Variants in GPR39 observed in about 807,000 individuals in gnomAD.
GPR39 encodes zinc sensing receptor.
GPR39 carries 23 observed loss-of-function variants against 18.4 expected under a neutral mutation model. The observed-to-expected ratio is 1.25, with a 90% CI of 0.90 to 1.77. GPR39 has a LOEUF of 1.77. GPR39 is among the 40% of genes most tolerant of loss of function. The pLI, the probability that GPR39 is intolerant of heterozygous loss-of-function variation, is 0.00. For missense variants in GPR39, 647 were observed against 602.4 expected (o/e 1.07, Z -0.78); for synonymous variants, 280 against 257.9 (o/e 1.09, Z -0.82).
intron 1 of GPR39, among the ~76,000 whole-genome samples, chr2:132,483,561 G>A (rs1269969172): frequency 6.6e-6 from 1 of 152,216 alleles, no homozygotes; most frequent in Non-Finnish European, 1.5e-5. Context: ...TATGGCTAAT[G>A]TCAGTCTTTT....
chr2:132,571,339 TATC>T (rs754958247), intron 1 of GPR39, among the ~76,000 whole-genome samples: 2 of 152,320 alleles, frequency 1.3e-5, no homozygotes, highest in South Asian at 2.1e-4. Context: ...GTTAGATTAA[TATC>T]ATTCTGCAGC....
intron 1 of GPR39, among the ~76,000 whole-genome samples, chr2:132,444,568 G>A (rs72999265): frequency 1.5e-3 from 228 of 152,256 alleles, no homozygotes; most frequent in African/African-American, 4.7e-3. Context: ...GATTACAGGC[G>A]TGAGCTACCA....
intron 1 of GPR39, among the ~76,000 whole-genome samples, chr2:132,539,822 A>G (rs1032470073): frequency 1.3e-5 from 2 of 152,124 alleles, no homozygotes; most frequent in African/African-American, 4.8e-5. Flanking sequence ...ATGCAGCAAG[A>G]TCTCACCACA....
In GPR39 at chr2:132,488,440, C is replaced by A. The variant is rs145913114; in HGVS notation, c.856+70542C>A. 11 of 153,222 alleles carry A rather than the reference C, an allele frequency of 7.2e-5. No homozygotes were observed. The East Asian group carries it at 2.1e-3, about 30-fold the overall frequency. The allele number at this position is 153,222 out of a possible 1,614,324, so 9.5% of individuals were successfully genotyped here. A position where few individuals can be genotyped will look rare whatever the true frequency, so the allele number is the denominator to read the frequency against. On this transcript the variant is annotated intron_variant, in intron 1 of 1. Transcript: ENST00000329321. ...CTGGTCAGTGGGTAAAAAGCAAGGA[C>A]TTAAGGTCTTCAGCTCCAATATCTT...
At chr2:132,600,225 A>G (rs1299502876) in intron 1 of GPR39, among the ~76,000 whole-genome samples, 3 of 152,246 alleles carry the variant, frequency 2.0e-5, no homozygotes, top group Admixed American at 2.0e-4. Flanking sequence ...CACAATATAC[A>G]AAACCTATGG....
At chr2:132,506,801 T>C (rs1404139496) in intron 1 of GPR39, among the ~76,000 whole-genome samples, 1 of 152,020 alleles carries the variant, frequency 6.6e-6, no homozygotes, top group African/African-American at 2.4e-5. Flanking sequence ...GAGACTTGGG[T>C]AGGGACACAG....
intron 1 of GPR39, among the ~76,000 whole-genome samples, chr2:132,526,422 A>T (rs1036169072): frequency 1.4e-4 from 22 of 152,136 alleles, no homozygotes; most frequent in Non-Finnish European, 7.4e-5. Context: ...CTACCTGGGG[A>T]AGGCCAGTCC....
intron 1 of GPR39, among the ~76,000 whole-genome samples, chr2:132,428,531 C>G (rs1018706335): frequency 6.6e-6 from 1 of 152,174 alleles, no homozygotes; most frequent in Non-Finnish European, 1.5e-5. Context: ...TGTTGTTAGT[C>G]TCGATATTCA....
chr2:132,442,146 C>T (rs899186699), intron 1 of GPR39, among the ~76,000 whole-genome samples: 4 of 152,122 alleles, frequency 2.6e-5, no homozygotes, highest in Non-Finnish European at 2.9e-5. Flanking sequence ...CCACTTTTTC[C>T]TTCCCTCTTA....
chr2:132,518,646 C>T (rs1452732518), intron 1 of GPR39, among the ~76,000 whole-genome samples: 1 of 152,076 alleles, frequency 6.6e-6, no homozygotes, highest in East Asian at 1.9e-4. Context: ...GTCTAAACTG[C>T]TGATATAAAT....
chr2:132,467,258 A>G (rs1307411821), intron 1 of GPR39, among the ~76,000 whole-genome samples: 3 of 152,198 alleles, frequency 2.0e-5, no homozygotes, highest in African/African-American at 7.2e-5. Context: ...GCTGCAGACA[A>G]GCACTGTGGT....
intron 1 of GPR39, among the ~76,000 whole-genome samples, chr2:132,492,592 A>G (rs1375895059): frequency 7.2e-6 from 1 of 138,442 alleles, no homozygotes. Context: ...CACACCATAT[A>G]TATACCATAT....
intron 1 of GPR39, among the ~76,000 whole-genome samples, chr2:132,450,806 A>G (rs375186366): frequency 2.0e-5 from 3 of 152,236 alleles, no homozygotes; most frequent in South Asian, 4.1e-4. Flanking sequence ...GGTGTCTCCA[A>G]TTCTCAGTCT....
chr2:132,491,445 G>T (rs1681458949), intron 1 of GPR39, among the ~76,000 whole-genome samples: 1 of 152,020 alleles, frequency 6.6e-6, no homozygotes. Context: ...TGTTCTTGAT[G>T]ATAGGAACCA....
chr2:132,476,465 G>GTC lies in GPR39; in HGVS notation c.856+58570_856+58571dup, dbSNP rs529015495. On this transcript the variant is annotated intron_variant, in intron 1 of 1. Transcript: ENST00000329321. The stretch of plus-strand genomic sequence containing the variant: ...AGCCTGGGCAACATGGTGAAACCCT[G>GTC]TCTCCACTAAAAATACAAAAATTAG... 3.6e-4 allele frequency among the ~76,000 whole-genome samples: 55 copies of GTC among 151,884 alleles called. 1 individual carries two copies. Among genetic ancestry groups the GTC allele is most frequent in the African/African-American group, 1.1e-3 (45 of 41,432 alleles).
At chr2:132,585,188 C>T (rs1680703676) in intron 1 of GPR39, among the ~76,000 whole-genome samples, 1 of 152,150 alleles carries the variant, frequency 6.6e-6, no homozygotes. Flanking sequence ...ACTGCACCCG[C>T]CCCTTTACCG....
At chr2:132,433,174 CTT>C (rs1367506125) in intron 1 of GPR39, among the ~76,000 whole-genome samples, 3 of 152,122 alleles carry the variant, frequency 2.0e-5, no homozygotes, top group African/African-American at 7.2e-5. Context: ...ATACACAAAT[CTT>C]TTATAAAACC....
chr2:132,553,396 A>G (rs985104950), intron 1 of GPR39, among the ~76,000 whole-genome samples: 9 of 149,766 alleles, frequency 6.0e-5, no homozygotes, highest in African/African-American at 2.2e-4. Flanking sequence ...TATAGTGTAT[A>G]TATACGTATA....
In GPR39 at chr2:132,461,664, G is replaced by A. The variant is rs186685981; in HGVS notation, c.856+43766G>A. On this transcript the variant is annotated intron_variant, in intron 1 of 1. Transcript: ENST00000329321. ...TGCTGTTTTCATATAGCTTTTTGTC[G>A]TAAATCCCCCATCACAACTTTAATG... Among the ~76,000 whole-genome samples, 22 of 152,236 alleles carry A rather than the reference G, an allele frequency of 1.4e-4. No individual in the cohort carries two copies. The East Asian group carries it at 3.3e-3, about 23-fold the overall frequency.
Sources: allele counts gnomAD v4.1 joint callset (sites outside exome capture counted in the v4.1 genomes callset), GRCh38; gene constraint gnomAD v4.1.1; transcripts MANE v1.5; gene names NCBI Gene and HGNC (gene_info 2026-07-23, HGNC 2026-07-21).